MSL2: variants seen among roughly 807,000 people sequenced by gnomAD.
The protein encoded by MSL2 is MSL complex subunit 2.
A neutral mutation model predicts 35.8 loss-of-function variants in MSL2; 2 were observed. That is an observed-to-expected ratio of 0.06 (90% CI 0.02 to 0.18). The LOEUF is 0.18. Ranked by LOEUF, MSL2 falls within the 10% of genes least tolerant of loss-of-function variation. The probability of loss-of-function intolerance (pLI) is 1.00; values close to 1 mark genes in which losing one functional copy is unlikely to be tolerated. For synonymous variants in MSL2, 296 were observed against 255.7 expected, an observed-to-expected ratio of 1.16 and a Z score of -1.50; for missense variants, 523 against 706.7, an observed-to-expected ratio of 0.74 and a Z score of 2.95.
chr3:136,164,497 CAA>C (rs1001814565), intron 1 of MSL2, among the ~76,000 whole-genome samples: 4 of 152,194 alleles, frequency 2.6e-5, no homozygotes, highest in Admixed American at 2.0e-4. Context: ...CCTAACTCTT[CAA>C]AGTTTCCCCA....
At chr3:136,192,494 AG>A (rs1940718624) in intron 1 of MSL2, among the ~76,000 whole-genome samples, 1 of 152,166 alleles carries the variant, frequency 6.6e-6, no homozygotes, top group Non-Finnish European at 1.5e-5. Flanking sequence ...GCAGTGAGCA[AG>A]GAAGACTTCA....
intron 1 of MSL2, among the ~76,000 whole-genome samples, chr3:136,189,637 T>C (rs545050481): frequency 3.4e-5 from 5 of 146,576 alleles, no homozygotes; most frequent in African/African-American, 1.3e-4. Flanking sequence ...GGCAGGAGAA[T>C]GGCGTGTACC....
At chr3:136,157,304 C>T (rs577444730) in intron 1 of MSL2, among the ~76,000 whole-genome samples, 41 of 151,526 alleles carry the variant, frequency 2.7e-4, no homozygotes, top group African/African-American at 8.8e-4. Context: ...GTCAGGAGTT[C>T]GACACCAGCC....
At chr3:136,160,374 G>GGAGGGAGGGA (rs1939675769) in intron 1 of MSL2, among the ~76,000 whole-genome samples, 1 of 70,308 alleles carries the variant, frequency 1.4e-5, no homozygotes, top group African/African-American at 5.2e-5. Flanking sequence ...AGGGAGGGAG[G>GGAGGGAGGGA]GAGATCAAAA....
In MSL2 at chr3:136,195,589, C is replaced by G. The variant is rs566038345; in HGVS notation, c.-476G>C. 1.0e-4 allele frequency: 99 copies of G among 987,626 alleles called. No individual in the cohort carries two copies. The East Asian group carries it at 9.8e-3, about 98-fold the overall frequency. The allele number at this position is 987,626 out of a possible 1,614,324, so 61.2% of individuals were successfully genotyped here. The stretch of plus-strand genomic sequence containing the variant: ...GGCTGCAGGGCCTCTTACTCCATCC[C>G]AGTACAGGGCGCGGAGGCGGCGGCG... On this transcript the variant is annotated 5_prime_UTR_variant, in exon 1 of 2. Coordinates refer to ENST00000309993, the MANE Select transcript of MSL2 (RefSeq NM_018133.4).
intron 1 of MSL2, among the ~76,000 whole-genome samples, chr3:136,166,449 A>C (rs1025317704): frequency 2.6e-5 from 4 of 152,188 alleles, no homozygotes; most frequent in African/African-American, 9.6e-5. Context: ...AAAAAGAAAA[A>C]AAAAAATTTG....
chr3:136,190,063 A>G lies in MSL2; in HGVS notation c.142+4909T>C, dbSNP rs1003222652. On this transcript the variant is annotated intron_variant, in intron 1 of 1. Coordinates refer to ENST00000309993, the MANE Select transcript of MSL2 (RefSeq NM_018133.4). ...GCCACTGCACTCCAGCCTGGGCAAC[A>G]TAGCAAGACCCTGTCTCAAAAATAA... 2.6e-5 allele frequency among the ~76,000 whole-genome samples: 4 copies of G among 152,272 alleles called. No homozygotes were observed. The East Asian group carries it at 5.8e-4, about 22-fold the overall frequency.
In MSL2 at chr3:136,152,097, G is replaced by T; in HGVS notation, c.784C>A (p.Pro262Thr). The change falls in exon 2 of 2, where the codon CCT becomes ACT. Residue 262 changes from proline (P) to threonine (T), a missense_variant. Pro to Thr is a conservative substitution (Grantham distance 38). Transcript: ENST00000309993. ...ACACTCAGTAACAGAGAGTCTCCAGGTTTTATATCTTCACTGAAACTGCAG... is the reference window on the plus strand; with the variant it reads ...ACACTCAGTAACAGAGAGTCTCCAGTTTTTATATCTTCACTGAAACTGCAG... ...DICSFSEDIK[P>T]GDSLLLSVEE... 6.2e-7 allele frequency: 1 copy of T among 1,614,120 alleles called. No individual in the cohort carries two copies. Among genetic ancestry groups the T allele is most frequent in the East Asian group, 2.2e-5 (1 of 44,884 alleles).
In MSL2 at chr3:136,192,430, T is replaced by C. The variant is rs570445975; in HGVS notation, c.142+2542A>G. Among the ~76,000 whole-genome samples, 11 of 152,158 alleles carry C rather than the reference T, an allele frequency of 7.2e-5. No individual in the cohort carries two copies. The South Asian group carries it at 1.5e-3, about 20-fold the overall frequency. The stretch of plus-strand genomic sequence containing the variant: ...CTGACCTCAAGCGATCCGCCCACCT[T>C]GGCCTCCCAAAGTGCTGGGATTACA... On this transcript the variant is annotated intron_variant, in intron 1 of 1. Coordinates refer to ENST00000309993, the MANE Select transcript of MSL2 (RefSeq NM_018133.4).
At chr3:136,181,516 G>A (rs565375378) in intron 1 of MSL2, among the ~76,000 whole-genome samples, 2 of 152,044 alleles carry the variant, frequency 1.3e-5, no homozygotes, top group African/African-American at 4.8e-5. Context: ...CACTACCACC[G>A]TGGAACACCT....
Position 136,195,596 on chromosome 3 carries a change from G to C in MSL2, c.-483C>G, listed in dbSNP as rs1043461810. Reference sequence around the variant, plus strand: ...GGGCCTCTTACTCCATCCCAGTACAGGGCGCGGAGGCGGCGGCGACGGCAA... The same window carrying C: ...GGGCCTCTTACTCCATCCCAGTACACGGCGCGGAGGCGGCGGCGACGGCAA... On this transcript the variant is annotated 5_prime_UTR_variant, in exon 1 of 2. Transcript: ENST00000309993. 2.1e-5 allele frequency: 21 copies of C among 986,660 alleles called. No homozygotes were observed. The highest frequency in any genetic ancestry group is 2.4e-5 in the Non-Finnish European group (20 of 830,840). The allele number at this position is 986,660 out of a possible 1,614,324, so 61.1% of individuals were successfully genotyped here. A position where few individuals can be genotyped will look rare whatever the true frequency, so the allele number is the denominator to read the frequency against.
At chr3:136,161,743 T>C (rs1232232047) in intron 1 of MSL2, among the ~76,000 whole-genome samples, 1 of 152,148 alleles carries the variant, frequency 6.6e-6, no homozygotes. Context: ...TTTAGGGGGA[T>C]GAAAGTGTTC....
intron 1 of MSL2, among the ~76,000 whole-genome samples, chr3:136,172,503 T>C (rs1446856781): frequency 6.6e-6 from 1 of 152,194 alleles, no homozygotes; most frequent in Non-Finnish European, 1.5e-5. Flanking sequence ...TGTCTTCTAA[T>C]GAAAGGCAAA....
At chr3:136,162,646 G>A (rs35352346) in intron 1 of MSL2, among the ~76,000 whole-genome samples, 37,221 of 152,050 alleles carry the variant, frequency 0.24, 4,838 homozygotes, top group African/African-American at 0.27. Flanking sequence ...GGAAAACACT[G>A]CTCTGAGTTT....
chr3:136,164,115 G>A (rs1462513748), intron 1 of MSL2, among the ~76,000 whole-genome samples: 1 of 152,172 alleles, frequency 6.6e-6, no homozygotes, highest in Non-Finnish European at 1.5e-5. Context: ...CAGGATATTA[G>A]TGAAGCAGCT....
intron 1 of MSL2, among the ~76,000 whole-genome samples, chr3:136,182,319 G>C (rs1439530842): frequency 6.6e-6 from 1 of 152,290 alleles, no homozygotes; most frequent in East Asian, 1.9e-4. Flanking sequence ...TTTAGAATGT[G>C]ATCTTATTCT....
rs879588279 is a variant in MSL2, at chr3:136,195,429, T to C, written c.-316A>G. On this transcript the variant is annotated 5_prime_UTR_variant, in exon 1 of 2. Transcript: ENST00000309993. ...GGGCGCTCGGGGCGGGACTCGGAGCTCAGTCTAGCCCCGCGGCTCGGCAGG... is the reference window on the plus strand; with the variant it reads ...GGGCGCTCGGGGCGGGACTCGGAGCCCAGTCTAGCCCCGCGGCTCGGCAGG... 1.5e-4 allele frequency: 172 copies of C among 1,111,766 alleles called. No individual in the cohort carries two copies. The highest frequency in any genetic ancestry group is 1.8e-4 in the Non-Finnish European group (163 of 908,614). The allele number at this position is 1,111,766 out of a possible 1,614,324, so 68.9% of individuals were successfully genotyped here. A position where few individuals can be genotyped will look rare whatever the true frequency, so the allele number is the denominator to read the frequency against.
chr3:136,166,376 A>C (rs1370353777), intron 1 of MSL2, among the ~76,000 whole-genome samples: 2 of 152,084 alleles, frequency 1.3e-5, no homozygotes, highest in Non-Finnish European at 2.9e-5. Context: ...CGACAGAGCG[A>C]GACTCTATCT....
chr3:136,158,420 T>C (rs1448868922), intron 1 of MSL2, among the ~76,000 whole-genome samples: 1 of 151,436 alleles, frequency 6.6e-6, no homozygotes, highest in Non-Finnish European at 1.5e-5. Flanking sequence ...ATACAATACC[T>C]ATTCACACAC....
Sources: gnomAD v4.1 joint callset for allele counts (sites outside exome capture counted in the v4.1 genomes callset) on GRCh38, gnomAD v4.1.1 for gene constraint, MANE v1.5 for transcripts, NCBI Gene and HGNC (gene_info 2026-07-23, HGNC 2026-07-21) for gene names.